The following LRRC61 variants were observed in gnomAD, a reference collection of about 807,000 sequenced individuals.
The protein encoded by LRRC61 is leucine-rich repeat-containing protein 61.
Under a neutral mutation model 15.1 loss-of-function variants are expected in LRRC61, and 9 were observed. That is an observed-to-expected ratio of 0.60 (90% CI 0.36 to 1.04). The LOEUF is 1.04. LRRC61 is among the 50% of genes least tolerant of loss of function. The pLI is 0.01. For missense variants in LRRC61, 344 were observed against 335.6 expected (o/e 1.03, Z -0.20); for synonymous variants, 173 against 158.6 (o/e 1.09, Z -0.68).
At chr7:150,331,440 C>A (rs1798106311) in intron 2 of LRRC61, 1 of 273,060 alleles carries the variant, frequency 3.7e-6, no homozygotes, top group East Asian at 7.4e-5. Flanking sequence ...GAATCTTAAA[C>A]CTATTTGGTA....
At chr7:150,324,282 G>A (rs748200732) in intron 1 of LRRC61, 43 of 153,090 alleles carry the variant, frequency 2.8e-4, no homozygotes, top group Non-Finnish European at 4.8e-4. Flanking sequence ...AGAGGGGCTG[G>A]AGAGGGACTG....
Position 150,335,306 on chromosome 7 carries a change from C to T in LRRC61, c.-144-1412C>T, listed in dbSNP as rs1024506667. Among the ~76,000 whole-genome samples, 6 of 152,046 alleles carry T rather than the reference C, an allele frequency of 3.9e-5. No individual in the cohort carries two copies. The highest frequency in any genetic ancestry group is 8.8e-5 in the Non-Finnish European group (6 of 67,952). On this transcript the variant is annotated intron_variant, in intron 2 of 2. Coordinates refer to ENST00000359623, the MANE Select transcript of LRRC61 (RefSeq NM_001142928.2). The surrounding 1 kb of genome is among the most constrained non-coding windows in gnomAD (Gnocchi z 4.3). ...AGATTCCATTCCCACTGAGGGAATC[C>T]ACACTTCTTGGCAGATGCTTCCAGT...
chr7:150,336,537 G>A (rs1426454101), intron 2 of LRRC61, among the ~76,000 whole-genome samples, 181 bp from the exon 3 acceptor site: 3 of 152,224 alleles, frequency 2.0e-5, no homozygotes, highest in Non-Finnish European at 2.9e-5. Flanking sequence ...CCCTTGGGTT[G>A]GGCCTGCACC....
At position 150,330,079 on chromosome 7, in the gene LRRC61, T is replaced by A. The variant is rs1350424580; in HGVS notation, c.-145+4069T>A. ...TTCGCCCACTGCCTCGACTCCCTGG[T>A]GAGAAACTTTCTGTGTCACCCTCAC... is the stretch of plus-strand genomic sequence containing the variant. On this transcript the variant is annotated intron_variant, in intron 2 of 2. Transcript: ENST00000359623. This position sits in a 1 kb window ranked among gnomAD's most constrained non-coding sequence, Gnocchi z 4.6. 1 of 312,744 alleles carries A rather than the reference T, an allele frequency of 3.2e-6. No homozygotes were observed. Among genetic ancestry groups the A allele is most frequent in the Non-Finnish European group, 6.0e-6 (1 of 167,668 alleles). 19.4% of individuals were successfully genotyped at this position (312,744 alleles called of 1,614,324 possible). A position where few individuals can be genotyped will look rare whatever the true frequency, so the allele number is the denominator to read the frequency against.
the LRRC61 span, among the ~76,000 whole-genome samples, chr7:150,313,616 C>G: frequency 6.6e-6 from 1 of 152,210 alleles, no homozygotes; most frequent in Non-Finnish European, 1.5e-5. Flanking sequence ...ATCCAACCCT[C>G]CCTTCCCATC....
upstream of LRRC61, among the ~76,000 whole-genome samples, chr7:150,320,676 T>C (rs575313903): frequency 1.3e-5 from 2 of 152,308 alleles, no homozygotes; most frequent in African/African-American, 4.8e-5. Flanking sequence ...AGCAGGAGAA[T>C]CACTTGAACC....
chr7:150,337,447 G>A lies in LRRC61; in HGVS notation c.586G>A (p.Ala196Thr). The change falls in exon 3 of 3, where the codon GCC becomes ACC. Residue 196 changes from alanine (A) to threonine (T), a missense_variant. Physicochemically the swap from Ala to Thr is moderately conservative, Grantham distance 58. Transcript: ENST00000359623. ...SSSPGPRATEAQPWVEPGYWE... is the reference protein window; with the variant it reads ...SSSPGPRATETQPWVEPGYWE... ...CAGTCCAGGCCCCAGAGCCACCGAG[G>A]CCCAGCCCTGGGTGGAGCCAGGCTA... is the stretch of plus-strand genomic sequence containing the variant. 3 of 1,604,348 alleles carry A rather than the reference G, an allele frequency of 1.9e-6. No homozygotes were observed. The highest frequency in any genetic ancestry group is 2.5e-6 in the Non-Finnish European group (3 of 1,179,878).
chr7:150,309,867 G>A, the LRRC61 span, among the ~76,000 whole-genome samples: 1 of 152,190 alleles, frequency 6.6e-6, no homozygotes, highest in Non-Finnish European at 1.5e-5. Context: ...GACCATCATG[G>A]ACGCCGAGCT....
At position 150,333,083 on chromosome 7, in the gene LRRC61, C is replaced by G. The variant is rs1201981276; in HGVS notation, c.-144-3635C>G. Among the ~76,000 whole-genome samples the G allele has an allele frequency of 6.6e-6, 1 of 152,154 alleles. No homozygotes were observed. Among genetic ancestry groups the G allele is most frequent in the East Asian group, 1.9e-4 (1 of 5,198 alleles). ...ACTGTTCTTGGAAGTGGCATTGTGG[C>G]TCTGCTGTGTGGCATCACCGAGCGG... On this transcript the variant is annotated intron_variant, in intron 2 of 2. Coordinates refer to ENST00000359623, the MANE Select transcript of LRRC61 (RefSeq NM_001142928.2). This position sits in a 1 kb window ranked among gnomAD's most constrained non-coding sequence, Gnocchi z 4.3.
At chr7:150,326,897 CA>C (rs1797974408) in intron 2 of LRRC61, among the ~76,000 whole-genome samples, 2 of 152,168 alleles carry the variant, frequency 1.3e-5, no homozygotes, top group Non-Finnish European at 2.9e-5. Context: ...CGCCACCTTG[CA>C]GTAGGCCTTC....
At chr7:150,310,895 T>A in the LRRC61 span, among the ~76,000 whole-genome samples, 1 of 152,104 alleles carries the variant, frequency 6.6e-6, no homozygotes, top group Non-Finnish European at 1.5e-5. Flanking sequence ...GGGTACCGAG[T>A]ATCCCCTTCA....
chr7:150,330,863 C>T lies in LRRC61; in HGVS notation c.-145+4853C>T, dbSNP rs760177664. On this transcript the variant is annotated intron_variant, in intron 2 of 2. Coordinates refer to ENST00000359623, the MANE Select transcript of LRRC61 (RefSeq NM_001142928.2). The surrounding 1 kb of genome is among the most constrained non-coding windows in gnomAD (Gnocchi z 4.6). ...GAAGCCAGGGGGAGCCTCTGCAGAG[C>T]AGCAGCCACTCTGGGGCCTTCCTGC... The T allele has an allele frequency of 1.2e-6, 2 of 1,609,244 alleles. No individual in the cohort carries two copies. The highest frequency in any genetic ancestry group is 1.3e-5 in the African/African-American group (1 of 74,808).
At chr7:150,329,618 A>G (rs760955569) in intron 2 of LRRC61, among the ~76,000 whole-genome samples, 17 of 152,200 alleles carry the variant, frequency 1.1e-4, no homozygotes, top group Non-Finnish European at 2.2e-4. Context: ...CCTCCCTCAG[A>G]AGGTAGTGGC....
chr7:150,326,682 GAAA>G (rs34287911), intron 2 of LRRC61, among the ~76,000 whole-genome samples: 6 of 130,482 alleles, frequency 4.6e-5, no homozygotes, highest in Admixed American at 1.6e-4. Flanking sequence ...GACCCAGTCT[GAAA>G]AAAAAAAAAA....
Position 150,337,257 on chromosome 7 carries a change from T to C in LRRC61, c.396T>C (p.Pro132=), listed in dbSNP as rs1211924777. 6.2e-7 allele frequency: 1 copy of C among 1,603,710 alleles called. No individual in the cohort carries two copies. The highest frequency in any genetic ancestry group is 1.1e-5 in the South Asian group (1 of 91,060). ...PCLEYLRLRD[P]LARLSNPLCA... ...TGGAGTACCTGCGGCTCCGAGACCC[T>C]TTGGCCCGGCTCAGCAACCCGCTCT... is the stretch of plus-strand genomic sequence containing the variant. Residue 132 remains proline (P), a synonymous_variant, in exon 3 of 3, where the codon CCT becomes CCC. Transcript: ENST00000359623.
chr7:150,334,952 G>A (rs1274940826), intron 2 of LRRC61, among the ~76,000 whole-genome samples: 1 of 151,868 alleles, frequency 6.6e-6, no homozygotes. Flanking sequence ...AACCCAGGAG[G>A]CGGAGGTTGC....
At chr7:150,334,067 C>G (rs1798202847) in intron 2 of LRRC61, 1 of 985,400 alleles carries the variant, frequency 1.0e-6, no homozygotes, top group Non-Finnish European at 1.2e-6. Flanking sequence ...TGCTCCGTTT[C>G]CTCTTCTGTA....
chr7:150,329,686 ATAT>A (rs975176158), intron 2 of LRRC61: 4 of 152,258 alleles, frequency 2.6e-5, no homozygotes, highest in Admixed American at 2.0e-4. Flanking sequence ...AGCATGGGAA[ATAT>A]TATGATTACC....
At chr7:150,310,217 C>T in the LRRC61 span, among the ~76,000 whole-genome samples, 1 of 152,166 alleles carries the variant, frequency 6.6e-6, no homozygotes, top group Non-Finnish European at 1.5e-5. Context: ...CACATCCTCC[C>T]TTTGTGTCTC....
Sources: allele counts gnomAD v4.1 joint callset (sites outside exome capture counted in the v4.1 genomes callset), GRCh38; gene constraint gnomAD v4.1.1; non-coding constraint Gnocchi (gnomAD v3.1); transcripts MANE v1.5; gene names NCBI Gene and HGNC (gene_info 2026-07-23, HGNC 2026-07-21).